Variants in PLOD2 observed in about 807,000 individuals in gnomAD.
PLOD2 encodes the protein procollagen-lysine,2-oxoglutarate 5-dioxygenase 2.
A neutral mutation model predicts 101.0 loss-of-function variants in PLOD2; 65 were observed. The ratio of observed to expected loss-of-function variants is 0.64; its 90% CI spans 0.53 to 0.79. The LOEUF is 0.79. Ranked by LOEUF, PLOD2 falls within the 30% of genes least tolerant of loss-of-function variation. PLOD2 has a pLI of 0.00. For synonymous variants in PLOD2, 314 were observed against 302.9 expected, an observed-to-expected ratio of 1.04 and a Z score of -0.38; for missense variants, 909 against 914.6, an observed-to-expected ratio of 0.99 and a Z score of 0.08.
chr3:146,096,877 A>AGGCGG (rs1174572859), intron 7 of PLOD2, among the ~76,000 whole-genome samples: 1 of 18,192 alleles, frequency 5.5e-5, no homozygotes, highest in Non-Finnish European at 1.0e-4. Context: ...TCCGGGAGGG[A>AGGCGG]GGTGGGGGGG....
intron 1 of PLOD2, among the ~76,000 whole-genome samples, chr3:146,132,950 G>A (rs2031002518): frequency 1.3e-5 from 2 of 152,152 alleles, no homozygotes; most frequent in South Asian, 4.1e-4. Context: ...AGGCCAAGGT[G>A]GGCGGATCAT....
At chr3:146,094,322 T>C (rs892180893) in intron 7 of PLOD2, among the ~76,000 whole-genome samples, 6 of 152,230 alleles carry the variant, frequency 3.9e-5, no homozygotes, top group Non-Finnish European at 5.9e-5. Context: ...TCTATTTTTA[T>C]TACAAATCAA....
Position 146,161,072 on chromosome 3 carries a change from T to C in PLOD2, c.-83A>G, listed in dbSNP as rs2108158129. ...TCTCGCGAGAACGCAGAGACCCGGG[T>C]CCGCCCTGAGCCGCCGATTGCGGGC... On this transcript the variant is annotated 5_prime_UTR_variant, in exon 1 of 20. Transcript: ENST00000282903. The C allele has an allele frequency of 9.6e-6, 10 of 1,037,996 alleles. No individual in the cohort carries two copies. Among genetic ancestry groups the C allele is most frequent in the Non-Finnish European group, 1.4e-5 (10 of 699,246 alleles). The allele number at this position is 1,037,996 out of a possible 1,614,324, so 64.3% of individuals were successfully genotyped here.
chr3:146,072,418 GAA>G (rs1306453864), intron 17 of PLOD2, 141 bp downstream of exon 17: 1 of 666,622 alleles, frequency 1.5e-6, no homozygotes, highest in Non-Finnish European at 2.7e-6. Context: ...GAAGTAGACT[GAA>G]ATCAGAGCCT....
chr3:146,074,769 GA>G (rs1936273784), intron 15 of PLOD2, among the ~76,000 whole-genome samples: 1 of 150,862 alleles, frequency 6.6e-6, no homozygotes, highest in South Asian at 2.1e-4. Flanking sequence ...TTTCATTTTA[GA>G]TCACCTTTCA....
chr3:146,120,446 T>A (rs1478301106), intron 3 of PLOD2, among the ~76,000 whole-genome samples: 2 of 147,714 alleles, frequency 1.4e-5, no homozygotes, highest in Admixed American at 1.3e-4. Flanking sequence ...ATCCCTTCCT[T>A]ACACCTTACA....
chr3:146,124,020 G>T, intron 2 of PLOD2, 118 bp downstream of exon 2: 1 of 690,332 alleles, frequency 1.4e-6, no homozygotes. Context: ...TGAACTAACA[G>T]TAATTATGTA....
intron 16 of PLOD2, 82 bp downstream of exon 16, chr3:146,073,205 C>G (rs1038891491): frequency 1.5e-5 from 9 of 594,646 alleles, no homozygotes; most frequent in Middle Eastern, 3.0e-4. Flanking sequence ...ACTTTCACAT[C>G]TTCTGTGAAA....
intron 15 of PLOD2, among the ~76,000 whole-genome samples, chr3:146,074,004 C>T (rs1323836908): frequency 6.6e-6 from 1 of 151,436 alleles, no homozygotes; most frequent in Non-Finnish European, 1.5e-5. Flanking sequence ...CTAGCACTTG[C>T]ACTTCTTTCA....
chr3:146,089,907 G>A (rs1936918752), intron 8 of PLOD2, among the ~76,000 whole-genome samples: 1 of 151,390 alleles, frequency 6.6e-6, no homozygotes, highest in African/African-American at 2.4e-5. Context: ...ATATGCACAT[G>A]AGGAAAATGA....
chr3:146,108,850 A>T (rs1009167784), intron 4 of PLOD2, among the ~76,000 whole-genome samples: 4 of 152,328 alleles, frequency 2.6e-5, no homozygotes, highest in South Asian at 2.1e-4. Context: ...AAAAATTTCA[A>T]CAAGTATAAA....
chr3:146,089,517 C>T (rs745324436), intron 8 of PLOD2, among the ~76,000 whole-genome samples: 2 of 151,558 alleles, frequency 1.3e-5, no homozygotes, highest in African/African-American at 2.4e-5. Context: ...TAATGTCTTA[C>T]TAAAGCCATG....
chr3:146,100,069 C>T (rs139610409), intron 7 of PLOD2, among the ~76,000 whole-genome samples: 11 of 151,938 alleles, frequency 7.2e-5, no homozygotes, highest in African/African-American at 1.2e-4. Context: ...TTAGTAGAGA[C>T]GGGGTTTCAC....
At chr3:146,083,577 CT>C (rs869301001) in intron 11 of PLOD2, among the ~76,000 whole-genome samples, 847 of 75,750 alleles carry the variant, frequency 0.011, 6 homozygotes, top group African/African-American at 0.038. Flanking sequence ...AAGTCTTTTT[CT>C]TTTTTTTTTT....
chr3:146,077,467 G>C (rs1936386488), intron 14 of PLOD2: 1 of 168,886 alleles, frequency 5.9e-6, no homozygotes, highest in Admixed American at 6.0e-5. Context: ...GTTTCTTTTT[G>C]GACCTGTTTT....
rs1169782098 is a variant in PLOD2, at chr3:146,071,295, A to G, written c.1977T>C (p.Phe659=). ...EFIAPVTLKV[F]AGYYTKGFAL... ...TAACTACCTTCGTATAATAGCCTGC[A>G]AAGACCTTCAGTGTAACTGGTGCAA... The change falls in exon 18 of 20, where the codon TTT becomes TTC. Residue 659 remains phenylalanine, a synonymous_variant. Coordinates refer to ENST00000282903, the MANE Select transcript of PLOD2 (RefSeq NM_182943.3). 1 of 1,612,162 alleles carries G rather than the reference A, an allele frequency of 6.2e-7. No individual in the cohort carries two copies. The highest frequency in any genetic ancestry group is 8.5e-7 in the Non-Finnish European group (1 of 1,178,718).
At chr3:146,102,921 CTGTGTGTGTA>C (rs1937441512) in intron 6 of PLOD2, 69 bp from the exon 7 acceptor site, 10 of 821,746 alleles carry the variant, frequency 1.2e-5, no homozygotes, top group South Asian at 2.8e-5. Flanking sequence ...ATTCGTGTGT[CTGTGTGTGTA>C]TGTGTGTGTA....
chr3:146,075,487 T>TAAAAAAAAAAAAAAAAAA (rs35706246), intron 15 of PLOD2, among the ~76,000 whole-genome samples: 9 of 93,652 alleles, frequency 9.6e-5, no homozygotes, highest in East Asian at 3.2e-4. Flanking sequence ...CTCAAATCTG[T>TAAAAAAAAAAAAAAAAAA]AAAAAAAAAA....
chr3:146,139,367 T>C (rs1211155423), intron 1 of PLOD2, among the ~76,000 whole-genome samples: 1 of 152,128 alleles, frequency 6.6e-6, no homozygotes, highest in African/African-American at 2.4e-5. Context: ...GATGAGTCTG[T>C]TACATAAATA....
Sources: allele counts gnomAD v4.1 joint callset (sites outside exome capture counted in the v4.1 genomes callset), GRCh38; gene constraint gnomAD v4.1.1; transcripts MANE v1.5; gene names NCBI Gene and HGNC (gene_info 2026-07-23, HGNC 2026-07-21).